Variants in KLF12 observed in about 807,000 individuals in gnomAD.
The protein encoded by KLF12 is KLF transcription factor 12.
In KLF12, 9 loss-of-function variants were observed where a neutral mutation model predicts 37.8. The ratio of observed to expected loss-of-function variants is 0.24; its 90% CI spans 0.14 to 0.42. KLF12 has a LOEUF of 0.42. Among genes scored for constraint, KLF12 ranks in the 10% least tolerant of loss-of-function variants. KLF12 has a pLI of 1.00. For missense variants in KLF12, 411 were observed against 516.0 expected (o/e 0.80, Z 1.97); for synonymous variants, 208 against 202.1 (o/e 1.03, Z -0.25).
the KLF12 span, among the ~76,000 whole-genome samples, chr13:74,169,562 G>A: frequency 6.6e-6 from 1 of 152,212 alleles, no homozygotes; most frequent in Non-Finnish European, 1.5e-5. Flanking sequence ...AAAATGATAT[G>A]CAACTGGTAG....
chr13:74,298,699 A>G, the KLF12 span, among the ~76,000 whole-genome samples: 12 of 152,208 alleles, frequency 7.9e-5, no homozygotes, highest in Non-Finnish European at 1.8e-4. Flanking sequence ...GAGCACTATA[A>G]AAAGAGTTTT....
intron 3 of KLF12, among the ~76,000 whole-genome samples, chr13:73,870,349 TG>T (rs1286127339): frequency 2.6e-5 from 4 of 152,248 alleles, no homozygotes; most frequent in African/African-American, 9.6e-5. Context: ...TTATATGATT[TG>T]GGCAATGTAC....
intron 1 of KLF12, among the ~76,000 whole-genome samples, chr13:74,063,350 G>C (rs1254989580): frequency 6.6e-6 from 1 of 152,144 alleles, no homozygotes; most frequent in East Asian, 1.9e-4. Flanking sequence ...GAACTAAAGA[G>C]CTACCCTAAA....
intron 3 of KLF12, among the ~76,000 whole-genome samples, chr13:73,931,814 CTT>C (rs34804436): frequency 1.4e-3 from 210 of 145,734 alleles, no homozygotes; most frequent in Admixed American, 1.8e-3. Context: ...AAATATTTTG[CTT>C]TTTTTTTTTT....
intron 1 of KLF12, among the ~76,000 whole-genome samples, chr13:74,066,579 G>T (rs1873929119): frequency 6.6e-6 from 1 of 152,172 alleles, no homozygotes; most frequent in African/African-American, 2.4e-5. Flanking sequence ...ACTTGGGCCT[G>T]CCTAGAAGGT....
the KLF12 span, among the ~76,000 whole-genome samples, chr13:74,187,389 C>T: frequency 5.8e-3 from 877 of 152,066 alleles, 15 homozygotes; most frequent in African/African-American, 0.02. Context: ...TGCCATTCCT[C>T]GCTAGCTGTG....
chr13:74,122,767 A>G (rs930022162), intron 1 of KLF12, among the ~76,000 whole-genome samples: 1 of 152,060 alleles, frequency 6.6e-6, no homozygotes. Context: ...AAAAAAAGAT[A>G]AAAGAGTTTC....
chr13:74,169,970 G>A, the KLF12 span, among the ~76,000 whole-genome samples: 1 of 150,776 alleles, frequency 6.6e-6, no homozygotes, highest in Non-Finnish European at 1.5e-5. Flanking sequence ...TTGTTTAAAA[G>A]CAAACAAATA....
At chr13:74,223,616 G>C in the KLF12 span, among the ~76,000 whole-genome samples, 1 of 152,078 alleles carries the variant, frequency 6.6e-6, no homozygotes, top group Admixed American at 6.5e-5. Flanking sequence ...ATGGAAAGTG[G>C]ACTTCCCTGT....
chr13:73,847,800 T>C (rs1019806487), intron 3 of KLF12, among the ~76,000 whole-genome samples: 1 of 152,138 alleles, frequency 6.6e-6, no homozygotes, highest in African/African-American at 2.4e-5. Flanking sequence ...AAATTTTTAA[T>C]CTTTTCAAAG....
At chr13:73,908,326 C>T (rs1346671474) in intron 3 of KLF12, among the ~76,000 whole-genome samples, 1 of 148,566 alleles carries the variant, frequency 6.7e-6, no homozygotes, top group Non-Finnish European at 1.5e-5. Context: ...CGCTTGAACC[C>T]AGGAGGTGGA....
chr13:73,950,961 T>C (rs745799163), intron 2 of KLF12, among the ~76,000 whole-genome samples: 44 of 152,254 alleles, frequency 2.9e-4, no homozygotes, highest in African/African-American at 1.0e-3. Flanking sequence ...GGCTGGGTGC[T>C]CCAGTCCATG....
the KLF12 span, among the ~76,000 whole-genome samples, chr13:74,209,830 C>T: frequency 1.3e-5 from 2 of 152,110 alleles, no homozygotes; most frequent in Non-Finnish European, 2.9e-5. Context: ...TTCTCTATAT[C>T]TTAAAAGATT....
chr13:74,034,000 C>A (rs1191341924), intron 1 of KLF12, among the ~76,000 whole-genome samples: 1 of 150,092 alleles, frequency 6.7e-6, no homozygotes, highest in Non-Finnish European at 1.5e-5. Context: ...CTTGGACTAC[C>A]AGTGACATTA....
the KLF12 span, among the ~76,000 whole-genome samples, chr13:74,278,654 C>G: frequency 6.6e-6 from 1 of 152,132 alleles, no homozygotes; most frequent in Non-Finnish European, 1.5e-5. Flanking sequence ...CAATAGCTGT[C>G]TCCAAAAATC....
At position 73,695,578 on chromosome 13, in the gene KLF12, A is replaced by G; in HGVS notation, c.1121T>C (p.Val374Ala). 1 of 1,613,784 alleles carries G rather than the reference A, an allele frequency of 6.2e-7. No homozygotes were observed. Among genetic ancestry groups the G allele is most frequent in the Non-Finnish European group, 8.5e-7 (1 of 1,179,918 alleles). The change falls in exon 8 of 8, where the codon GTG (valine) becomes GCG (alanine). Residue 374 changes from valine (V) to alanine (A), a missense_variant. Val to Ala is a moderately conservative substitution (Grantham distance 64, BLOSUM62 0). Around this residue, in one of 2 missense-constraint regions of KLF12, gnomAD observed 60 missense variants for 118.2 expected, o/e 0.51. Transcript: ENST00000377669. The stretch of plus-strand genomic sequence containing the variant: ...ACAGTCCGCGCACTTGAATGGCTTC[A>G]CTCCCGTATGTTTGCGGTAATGCCT...
Position 73,715,299 on chromosome 13 carries a change from C to A in KLF12, c.1027+69G>T, listed in dbSNP as rs1021725724. On this transcript the variant is annotated intron_variant, in intron 7 of 7. Coordinates refer to ENST00000377669, the MANE Select transcript of KLF12 (RefSeq NM_007249.5). ...CAGGATGAATGAGTACGAAAGGCTCCCGAGGTAAGTGGCCGGCGCTTTATG... is the reference window on the plus strand; with the variant it reads ...CAGGATGAATGAGTACGAAAGGCTCACGAGGTAAGTGGCCGGCGCTTTATG... The A allele has an allele frequency of 4.9e-6, 7 of 1,423,832 alleles. No individual in the cohort carries two copies. In the African/African-American group the frequency reaches 8.6e-5, roughly 17 times the overall value. 88.2% of individuals were successfully genotyped at this position (1,423,832 alleles called of 1,614,324 possible).
At chr13:74,125,462 G>A (rs1168375442) in intron 1 of KLF12, among the ~76,000 whole-genome samples, 3 of 152,074 alleles carry the variant, frequency 2.0e-5, no homozygotes, top group Non-Finnish European at 4.4e-5. Context: ...TTTCATATAA[G>A]GGTCTATAGA....
At chr13:73,790,744 A>G (rs1262609887) in intron 5 of KLF12, among the ~76,000 whole-genome samples, 1 of 152,148 alleles carries the variant, frequency 6.6e-6, no homozygotes, top group Non-Finnish European at 1.5e-5. Context: ...TTCCCTCCTT[A>G]CAGTCTAATG....
Sources: gnomAD v4.1 joint callset for allele counts (sites outside exome capture counted in the v4.1 genomes callset) on GRCh38, gnomAD v4.1.1 for gene constraint, gnomAD v4.1.1 regional missense constraint, MANE v1.5 for transcripts, NCBI Gene and HGNC (gene_info 2026-07-23, HGNC 2026-07-21) for gene names.